FOXP2: variants seen among roughly 807,000 people sequenced by gnomAD.
The protein encoded by FOXP2 is forkhead box P2.
A neutral mutation model predicts 115.8 loss-of-function variants in FOXP2; 12 were observed. The ratio of observed to expected loss-of-function variants is 0.10; its 90% CI spans 0.07 to 0.17. The LOEUF (loss-of-function observed/expected upper bound fraction) is 0.17. FOXP2 is among the 10% of genes least tolerant of loss of function. The pLI is 1.00. For synonymous variants in FOXP2, 328 were observed against 297.7 expected (o/e 1.10, Z -1.05); for missense variants, 629 against 843.5 (o/e 0.75, Z 3.15).
upstream of FOXP2, among the ~76,000 whole-genome samples, chr7:114,159,389 T>C (rs117885911): frequency 2.0e-5 from 3 of 152,272 alleles, no homozygotes; most frequent in East Asian, 5.8e-4. Context: ...TTTACTAAAC[T>C]CTGAGAACGT....
intron 6 of FOXP2, among the ~76,000 whole-genome samples, chr7:114,639,944 T>C (rs1805430838): frequency 6.6e-6 from 1 of 152,168 alleles, no homozygotes; most frequent in African/African-American, 2.4e-5. Flanking sequence ...TGACCTAATT[T>C]ACATTTATAG....
chr7:114,590,370 C>T (rs1365930327), intron 3 of FOXP2, among the ~76,000 whole-genome samples: 1 of 152,108 alleles, frequency 6.6e-6, no homozygotes, highest in Non-Finnish European at 1.5e-5. Context: ...TTTTAACGTG[C>T]ACTGCAGCAA....
At chr7:114,349,634 T>C (rs1791431634) in intron 2 of FOXP2, among the ~76,000 whole-genome samples, 1 of 151,256 alleles carries the variant, frequency 6.6e-6, no homozygotes, top group Non-Finnish European at 1.5e-5. Flanking sequence ...TTTTGATTGC[T>C]TCATTTACTT....
chr7:114,189,070 A>G (rs1188147600), intron 1 of FOXP2, among the ~76,000 whole-genome samples: 1 of 152,136 alleles, frequency 6.6e-6, no homozygotes, highest in African/African-American at 2.4e-5. Flanking sequence ...CACCCAGAAA[A>G]TCAGAATTTT....
Position 114,139,486 on chromosome 7 carries a change from A to G in FOXP2, c.-246-23458A>G, listed in dbSNP as rs1395334429. Among the ~76,000 whole-genome samples the G allele has an allele frequency of 2.0e-5, 3 of 152,116 alleles. No homozygotes were observed. The East Asian group carries it at 5.8e-4, about 29-fold the overall frequency. On this transcript the variant is annotated intron_variant, in intron 1 of 19. Transcript: ENST00000635638. ...TTCCTTAGATTGTAATATGTAAATG[A>G]TTTTATGCTGATTTTCCTAACTTTT...
rs1190447611 is a variant in FOXP2, at chr7:114,103,777, A to AT, written c.-247+15945dup. On this transcript the variant is annotated intron_variant, in intron 1 of 19. Coordinates refer to the FOXP2 transcript ENST00000635638. ...CTTGTAAATTGAACAAAATAATTTCATTTTTTCCCTTGGGAATTGTTATCT... is the reference window on the plus strand; with the variant it reads ...CTTGTAAATTGAACAAAATAATTTCATTTTTTTCCCTTGGGAATTGTTATCT... 5.9e-5 allele frequency among the ~76,000 whole-genome samples: 9 copies of AT among 151,728 alleles called. No homozygotes were observed. In the South Asian group the frequency reaches 1.9e-3, roughly 31 times the overall value.
chr7:114,089,990 A>G (rs1227579003), intron 1 of FOXP2, among the ~76,000 whole-genome samples: 1 of 152,000 alleles, frequency 6.6e-6, no homozygotes, highest in Non-Finnish European at 1.5e-5. Flanking sequence ...GATGTGAAGG[A>G]TATAAAACTT....
At chr7:114,685,928 A>C (rs182022099) in intron 16 of FOXP2, among the ~76,000 whole-genome samples, 9 of 152,146 alleles carry the variant, frequency 5.9e-5, no homozygotes, top group Non-Finnish European at 1.3e-4. Flanking sequence ...TGAACTATGA[A>C]CTTAATAAGG....
intron 2 of FOXP2, among the ~76,000 whole-genome samples, chr7:114,362,547 A>G (rs1444811528): frequency 6.6e-6 from 1 of 152,114 alleles, no homozygotes; most frequent in African/African-American, 2.4e-5. Flanking sequence ...TGAAAAATGG[A>G]AAGAATTTAA....
intron 2 of FOXP2, among the ~76,000 whole-genome samples, chr7:114,509,232 A>G (rs1018142748): frequency 1.3e-5 from 2 of 151,978 alleles, no homozygotes; most frequent in African/African-American, 4.8e-5. Context: ...GAGGCCTTAG[A>G]AAAGGAAATC....
upstream of FOXP2, among the ~76,000 whole-genome samples, chr7:114,158,918 T>C (rs529354877): frequency 2.2e-4 from 34 of 152,142 alleles, no homozygotes; most frequent in South Asian, 5.2e-3. Flanking sequence ...ACAAAAAGAC[T>C]TGGGTTGGGT....
At chr7:114,630,152 G>A in intron 5 of FOXP2, 147 bp downstream of exon 5, 3 of 1,397,394 alleles carry the variant, frequency 2.1e-6, no homozygotes, top group Admixed American at 3.5e-5. Context: ...TAGTAACAGT[G>A]ATAGGCTCTC....
intron 1 of FOXP2, among the ~76,000 whole-genome samples, chr7:114,116,977 A>T (rs1343290060): frequency 6.6e-6 from 1 of 152,020 alleles, no homozygotes; most frequent in Non-Finnish European, 1.5e-5. Flanking sequence ...GAAAATTTAA[A>T]GTTAATACAT....
At chr7:114,358,080 C>G (rs570943015) in intron 2 of FOXP2, among the ~76,000 whole-genome samples, 1 of 152,208 alleles carries the variant, frequency 6.6e-6, no homozygotes, top group East Asian at 1.9e-4. Context: ...ATGGGATGGA[C>G]CTGGTGGGAG....
intron 1 of FOXP2, among the ~76,000 whole-genome samples, chr7:114,231,931 A>G (rs1479707830): frequency 6.6e-6 from 1 of 152,224 alleles, no homozygotes; most frequent in Non-Finnish European, 1.5e-5. Context: ...GGCAGCCTAC[A>G]GAGTGGTAGA....
intron 3 of FOXP2, among the ~76,000 whole-genome samples, chr7:114,593,300 A>T (rs556548386): frequency 6.6e-6 from 1 of 152,066 alleles, no homozygotes; most frequent in African/African-American, 2.4e-5. Context: ...AAAAATTTCA[A>T]ACTTAGAGAG....
intron 1 of FOXP2, among the ~76,000 whole-genome samples, chr7:114,169,999 T>C (rs1793095778): frequency 6.6e-6 from 1 of 152,200 alleles, no homozygotes. Context: ...TAAGTCCATT[T>C]AACTTCTTTC....
Position 114,534,815 on chromosome 7 carries a change from T to C in FOXP2, c.258+109T>C, listed in dbSNP as rs190261460. 19 of 810,808 alleles carry C rather than the reference T, an allele frequency of 2.3e-5. No homozygotes were observed. The East Asian group carries it at 4.9e-4, about 21-fold the overall frequency. 50.2% of individuals were successfully genotyped at this position (810,808 alleles called of 1,614,324 possible). A position where few individuals can be genotyped will look rare whatever the true frequency, so the allele number is the denominator to read the frequency against. ...TACAGGAAATTATTACATTTGCATA[T>C]GTAGGTAATTTTAATTCATAAAGAG... On this transcript the variant is annotated intron_variant, in intron 3 of 16. Transcript: ENST00000350908.
chr7:114,635,283 C>G (rs1242443624), intron 6 of FOXP2, among the ~76,000 whole-genome samples: 2 of 152,146 alleles, frequency 1.3e-5, no homozygotes, highest in Non-Finnish European at 2.9e-5. Context: ...CCTGGATTTA[C>G]TGCTTAATCA....
Sources: gnomAD v4.1 joint callset for allele counts (sites outside exome capture counted in the v4.1 genomes callset) on GRCh38, gnomAD v4.1.1 for gene constraint, MANE v1.5 for transcripts, NCBI Gene and HGNC (gene_info 2026-07-23, HGNC 2026-07-21) for gene names.